The following MAF variants were observed in gnomAD, a reference collection of about 807,000 sequenced individuals.
MAF encodes the protein MAF bZIP transcription factor, also known as transcription factor Maf.
In MAF, 10 loss-of-function variants were observed where a neutral mutation model predicts 22.0. That is an observed-to-expected ratio of 0.45 (90% confidence interval 0.28 to 0.77). MAF has a LOEUF of 0.77. Ranked by LOEUF, MAF falls within the 30% of genes least tolerant of loss-of-function variation. The pLI, the probability that MAF is intolerant of heterozygous loss-of-function variation, is 0.12. For synonymous variants in MAF, 337 were observed against 255.8 expected (o/e 1.32, Z -3.03); for missense variants, 544 against 548.4 (o/e 0.99, Z 0.08).
chr16:79,554,129 A>AC, the MAF span, among the ~76,000 whole-genome samples: 4,663 of 57,422 alleles, frequency 0.081, 87 homozygotes, highest in Middle Eastern at 0.15. Context: ...AAACAAACAA[A>AC]ACCACCAAAC....
the MAF span, among the ~76,000 whole-genome samples, chr16:79,446,331 C>A: frequency 6.6e-6 from 1 of 152,058 alleles, no homozygotes. Context: ...CTCTGTGCTT[C>A]TTCTATAGTA....
At chr16:79,472,247 C>T in the MAF span, among the ~76,000 whole-genome samples, 1 of 152,096 alleles carries the variant, frequency 6.6e-6, no homozygotes. Flanking sequence ...CCATTAGAGA[C>T]CCAGCAATTC....
the MAF span, among the ~76,000 whole-genome samples, chr16:79,436,368 C>T: frequency 6.6e-6 from 1 of 152,178 alleles, no homozygotes; most frequent in East Asian, 1.9e-4. Flanking sequence ...CAGGTGTGAG[C>T]CACCGCGTCT....
At chr16:79,221,722 TGTGTGCAC>T in the MAF span, among the ~76,000 whole-genome samples, 1 of 151,978 alleles carries the variant, frequency 6.6e-6, no homozygotes, top group African/African-American at 2.4e-5. Flanking sequence ...TGTATGTGTG[TGTGTGCAC>T]GTGTGTACGT....
the MAF span, among the ~76,000 whole-genome samples, chr16:79,509,274 G>A: frequency 3.3e-5 from 5 of 152,194 alleles, no homozygotes; most frequent in Admixed American, 6.5e-5. Context: ...CGTGAACCAT[G>A]CTGGTCTCTA....
chr16:79,335,080 G>C, the MAF span, among the ~76,000 whole-genome samples: 1 of 151,470 alleles, frequency 6.6e-6, no homozygotes, highest in Non-Finnish European at 1.5e-5. Flanking sequence ...AGCTACTCGG[G>C]AGGCTGAGGC....
the MAF span, chr16:79,211,655 G>C: frequency 1.9e-6 from 3 of 1,614,210 alleles, no homozygotes; most frequent in East Asian, 2.2e-5. Context: ...TCCCAGAACT[G>C]GAGGGTCTGG....
chr16:79,252,216 C>G, the MAF span, among the ~76,000 whole-genome samples: 9 of 152,090 alleles, frequency 5.9e-5, no homozygotes, highest in East Asian at 1.9e-4. Context: ...CTACTTAATT[C>G]TGCCCTCCCA....
the MAF span, among the ~76,000 whole-genome samples, chr16:79,276,989 G>T: frequency 1.3e-5 from 2 of 152,028 alleles, no homozygotes; most frequent in African/African-American, 4.8e-5. Context: ...ATTTCTCATG[G>T]TGTTTTCTCT....
At chr16:79,340,702 G>A in the MAF span, among the ~76,000 whole-genome samples, 1 of 151,908 alleles carries the variant, frequency 6.6e-6, no homozygotes, top group Non-Finnish European at 1.5e-5. Flanking sequence ...TCATTGTAGG[G>A]TGGGGAGCAG....
chr16:79,490,157 G>C, the MAF span, among the ~76,000 whole-genome samples: 1 of 152,172 alleles, frequency 6.6e-6, no homozygotes, highest in Non-Finnish European at 1.5e-5. Context: ...GGCCAACGAT[G>C]ACCCATCAGG....
the MAF span, among the ~76,000 whole-genome samples, chr16:79,346,697 T>G: frequency 6.6e-6 from 1 of 152,148 alleles, no homozygotes; most frequent in Non-Finnish European, 1.5e-5. Flanking sequence ...ACACGGGGTG[T>G]GAGCCAGTAC....
chr16:79,316,024 G>C, the MAF span, among the ~76,000 whole-genome samples: 3 of 152,192 alleles, frequency 2.0e-5, no homozygotes, highest in Admixed American at 6.5e-5. Flanking sequence ...ACCAGCTCAT[G>C]CTTGTGACTG....
the MAF span, among the ~76,000 whole-genome samples, chr16:79,208,323 G>T: frequency 3.3e-5 from 5 of 151,446 alleles, no homozygotes; most frequent in Non-Finnish European, 5.9e-5. Context: ...CACCTCCCCC[G>T]TTTCCCATGA....
the MAF span, among the ~76,000 whole-genome samples, chr16:79,346,013 G>A: frequency 6.6e-6 from 1 of 151,858 alleles, no homozygotes; most frequent in African/African-American, 2.4e-5. Flanking sequence ...TTTCTACTAT[G>A]TTTCTCCGAT....
At chr16:79,470,204 G>T in the MAF span, among the ~76,000 whole-genome samples, 1 of 152,218 alleles carries the variant, frequency 6.6e-6, no homozygotes, top group Non-Finnish European at 1.5e-5. Flanking sequence ...AGGAACTCTG[G>T]TTCTGAGGAA....
chr16:79,556,892 T>G, the MAF span, among the ~76,000 whole-genome samples: 1 of 152,166 alleles, frequency 6.6e-6, no homozygotes, highest in African/African-American at 2.4e-5. Flanking sequence ...GTGCTTGGTA[T>G]GAGAAATGTG....
chr16:79,468,186 A>G, the MAF span, among the ~76,000 whole-genome samples: 1 of 152,290 alleles, frequency 6.6e-6, no homozygotes, highest in South Asian at 2.1e-4. Flanking sequence ...GGCCCTGCAC[A>G]TACTCACGAG....
At chr16:79,314,275 A>G in the MAF span, among the ~76,000 whole-genome samples, 1 of 152,066 alleles carries the variant, frequency 6.6e-6, no homozygotes, top group Non-Finnish European at 1.5e-5. Context: ...ATTTGAGGTG[A>G]CCTCCTCTTG....
Sources: allele counts gnomAD v4.1 joint callset (sites outside exome capture counted in the v4.1 genomes callset), GRCh38; gene constraint gnomAD v4.1.1; transcripts MANE v1.5; gene names NCBI Gene and HGNC (gene_info 2026-07-23, HGNC 2026-07-21).